Variants in CTNNA2 observed in about 807,000 individuals in gnomAD.
CTNNA2 encodes catenin alpha-2.
Under a neutral mutation model 101.0 loss-of-function variants are expected in CTNNA2, and 42 were observed. That is an observed-to-expected ratio of 0.42 (90% CI 0.32 to 0.54). The LOEUF (loss-of-function observed/expected upper bound fraction) is 0.54. Ranked by LOEUF, CTNNA2 falls within the 20% of genes least tolerant of loss-of-function variation. The pLI, the probability that CTNNA2 is intolerant of heterozygous loss-of-function variation, is 0.14. For missense variants in CTNNA2, 871 were observed against 1,223.1 expected (o/e 0.71, Z 4.29); for synonymous variants, 450 against 456.4 (o/e 0.99, Z 0.18).
At chr2:79,499,055 C>G (rs1671289540) in intron 4 of CTNNA2, 1 of 152,200 alleles carries the variant, frequency 6.6e-6, no homozygotes, top group Admixed American at 6.5e-5. Context: ...ATGTTCCACC[C>G]TCTGTGAGTA....
At chr2:79,425,230 C>T (rs932077752) in intron 4 of CTNNA2, among the ~76,000 whole-genome samples, 2 of 152,092 alleles carry the variant, frequency 1.3e-5, no homozygotes, top group Non-Finnish European at 2.9e-5. Flanking sequence ...GATTCAAAGG[C>T]CCCAAAGGCT....
At chr2:79,361,362 TC>T (rs1320328359) in intron 3 of CTNNA2, among the ~76,000 whole-genome samples, 1 of 152,152 alleles carries the variant, frequency 6.6e-6, no homozygotes. Flanking sequence ...ATAGGAAGCT[TC>T]CCATTTGGCA....
intron 7 of CTNNA2, among the ~76,000 whole-genome samples, chr2:80,073,437 G>C (rs561902268): frequency 6.6e-6 from 1 of 152,262 alleles, no homozygotes; most frequent in South Asian, 2.1e-4. Context: ...GTGTCTGAGT[G>C]CTCAGAAGGG....
At chr2:80,262,229 T>C (rs116336221) in intron 7 of CTNNA2, among the ~76,000 whole-genome samples, 2 of 152,226 alleles carry the variant, frequency 1.3e-5, no homozygotes, top group African/African-American at 2.4e-5. Flanking sequence ...GGAGATCATA[T>C]TGCTCAATAT....
intron 7 of CTNNA2, among the ~76,000 whole-genome samples, chr2:80,188,873 G>T (rs140307082): frequency 7.9e-5 from 12 of 152,046 alleles, no homozygotes; most frequent in African/African-American, 2.7e-4. Flanking sequence ...GATATCTTTG[G>T]GGGAGTGCCT....
intron 11 of CTNNA2, among the ~76,000 whole-genome samples, chr2:80,554,296 ATATTT>A (rs201007290): frequency 1.3e-5 from 2 of 152,328 alleles, no homozygotes; most frequent in East Asian, 3.9e-4. Context: ...TAAAGAGGTA[ATATTT>A]TATTTTAACT....
chr2:80,258,280 T>G (rs1672327808), intron 7 of CTNNA2, among the ~76,000 whole-genome samples: 1 of 152,190 alleles, frequency 6.6e-6, no homozygotes, highest in Non-Finnish European at 1.5e-5. Context: ...TTAAAAATCT[T>G]CCAATCTTAA....
chr2:80,588,579 C>T (rs1696170923), intron 14 of CTNNA2, among the ~76,000 whole-genome samples: 1 of 152,192 alleles, frequency 6.6e-6, no homozygotes, highest in African/African-American at 2.4e-5. Context: ...TGCAGTTCTC[C>T]TTTTTCTACA....
chr2:79,914,958 A>C, intron 7 of CTNNA2, among the ~76,000 whole-genome samples: 1 of 152,028 alleles, frequency 6.6e-6, no homozygotes, highest in Non-Finnish European at 1.5e-5. Context: ...ATTTAACATA[A>C]AGTGGGTTCC....
At chr2:79,995,196 T>A (rs1692459747) in intron 7 of CTNNA2, among the ~76,000 whole-genome samples, 1 of 152,188 alleles carries the variant, frequency 6.6e-6, no homozygotes, top group South Asian at 2.1e-4. Flanking sequence ...AGGAATAATA[T>A]TTCACTCAGT....
chr2:80,540,208 A>G (rs1460702492), intron 9 of CTNNA2, among the ~76,000 whole-genome samples: 1 of 152,176 alleles, frequency 6.6e-6, no homozygotes, highest in Non-Finnish European at 1.5e-5. Flanking sequence ...ACCATGTAGG[A>G]GAAAATATTA....
intron 18 of CTNNA2, among the ~76,000 whole-genome samples, chr2:80,635,558 TAA>T (rs1672783349): frequency 6.6e-6 from 1 of 152,170 alleles, no homozygotes; most frequent in Non-Finnish European, 1.5e-5. Context: ...GTGCTATAGT[TAA>T]GAGCTCATTC....
At chr2:80,632,921 A>AT (rs1672450640) in intron 18 of CTNNA2, among the ~76,000 whole-genome samples, 1 of 152,236 alleles carries the variant, frequency 6.6e-6, no homozygotes, top group Non-Finnish European at 1.5e-5. Context: ...GAAAAAATAA[A>AT]TAGAAACTCA....
chr2:79,377,172 G>A (rs1353608327), intron 4 of CTNNA2, among the ~76,000 whole-genome samples: 1 of 152,018 alleles, frequency 6.6e-6, no homozygotes, highest in Non-Finnish European at 1.5e-5. Context: ...TTTAATGATT[G>A]CCATTCTAAC....
intron 7 of CTNNA2, among the ~76,000 whole-genome samples, chr2:80,059,277 G>A (rs1697421907): frequency 6.6e-6 from 1 of 152,142 alleles, no homozygotes; most frequent in African/African-American, 2.4e-5. Flanking sequence ...GGCAGACTCA[G>A]TGAGCTTACC....
chr2:80,541,270 A>G (rs2149618689), intron 9 of CTNNA2, among the ~76,000 whole-genome samples: 1 of 152,348 alleles, frequency 6.6e-6, no homozygotes, highest in Non-Finnish European at 1.5e-5. Context: ...AGAAAATACA[A>G]GGTGAATGAA....
At chr2:79,382,947 C>T (rs140446813) in intron 4 of CTNNA2, among the ~76,000 whole-genome samples, 28 of 152,256 alleles carry the variant, frequency 1.8e-4, no homozygotes, top group African/African-American at 5.5e-4. Flanking sequence ...TGTCTTATCT[C>T]GGAGTATTTA....
At chr2:79,713,331 A>T (rs1054004540) in intron 2 of CTNNA2, among the ~76,000 whole-genome samples, 6 of 152,204 alleles carry the variant, frequency 3.9e-5, no homozygotes, top group African/African-American at 1.4e-4. Context: ...CTGTAATCCC[A>T]TCTACTCGGG....
At chr2:80,587,322 C>T (rs894730131) in intron 14 of CTNNA2, among the ~76,000 whole-genome samples, 6 of 151,976 alleles carry the variant, frequency 3.9e-5, no homozygotes, top group Non-Finnish European at 7.4e-5. Flanking sequence ...TGCATAGACC[C>T]CGAGCCCATC....
Sources: gnomAD v4.1 joint callset for allele counts (sites outside exome capture counted in the v4.1 genomes callset) on GRCh38, gnomAD v4.1.1 for gene constraint, MANE v1.5 for transcripts, NCBI Gene and HGNC (gene_info 2026-07-23, HGNC 2026-07-21) for gene names.